Variants in RAPGEF3 observed in about 807,000 individuals in gnomAD.
The protein encoded by RAPGEF3 is Rap guanine nucleotide exchange factor 3.
RAPGEF3 carries 103 observed loss-of-function variants against 129.8 expected under a neutral mutation model. That is an observed-to-expected ratio of 0.79 (90% CI 0.68 to 0.93). The LOEUF (loss-of-function observed/expected upper bound fraction) is 0.93. Ranked by LOEUF, RAPGEF3 falls within the 40% of genes least tolerant of loss-of-function variation. RAPGEF3 has a pLI of 0.00. For missense variants in RAPGEF3, 1,117 were observed against 1,207.4 expected (o/e 0.93, Z 1.11); for synonymous variants, 436 against 482.6 (o/e 0.90, Z 1.26).
chr12:47,750,330 G>A lies in RAPGEF3; in HGVS notation c.756+11C>T. 1 of 1,612,848 alleles carries A rather than the reference G, an allele frequency of 6.2e-7. No individual in the cohort carries two copies. The highest frequency in any genetic ancestry group is 1.3e-5 in the African/African-American group (1 of 75,028). On this transcript the variant is annotated intron_variant, in intron 7 of 27. Coordinates refer to ENST00000449771, the MANE Select transcript of RAPGEF3 (RefSeq NM_001098531.4). ...CTGGTACGGGGCAGGGCTGGGAGGG[G>A]CAGGACTGACCGAGTTGGAGAGGTG...
In RAPGEF3 at chr12:47,751,400, A is replaced by G. The variant is rs757294288; in HGVS notation, c.501T>C (p.His167=). 2 of 1,613,888 alleles carry G rather than the reference A, an allele frequency of 1.2e-6. No homozygotes were observed. Among genetic ancestry groups the G allele is most frequent in the Admixed American group, 3.3e-5 (2 of 60,018 alleles). The change falls in exon 5 of 28, where the codon CAT becomes CAC. Residue 167 remains histidine, a splice_region_variant and synonymous_variant. Coordinates refer to ENST00000449771, the MANE Select transcript of RAPGEF3 (RefSeq NM_001098531.4). The part of the protein sequence containing the change: ...QVLLDEGALC[H]VKHDWAFQDR... ...ACCCCACCCTGGGCTCGGGCTCACC[A>G]TGGCAGAGGGCACCTTCATCCAGCA...
chr12:47,746,257 G>A (rs1261504467), intron 16 of RAPGEF3: 2 of 235,382 alleles, frequency 8.5e-6, no homozygotes, highest in East Asian at 3.2e-4. Context: ...CAGGGGCTGG[G>A]ACACACAGTA....
chr12:47,750,959 G>A, intron 6 of RAPGEF3, 89 bp downstream of exon 6: 1 of 1,524,540 alleles, frequency 6.6e-7, no homozygotes, highest in South Asian at 1.2e-5. Flanking sequence ...CAACAGGTAA[G>A]GGATGCCCCC....
intron 18 of RAPGEF3, 91 bp from the exon 19 acceptor site, chr12:47,741,693 T>C: frequency 9.1e-7 from 1 of 1,093,430 alleles, no homozygotes; most frequent in Non-Finnish European, 1.4e-6. Flanking sequence ...TTTGGGAGGC[T>C]GAGAGGTTGT....
At chr12:47,752,450 T>C (rs1000665818) in intron 2 of RAPGEF3, 6 of 167,242 alleles carry the variant, frequency 3.6e-5, no homozygotes. Context: ...CACAGGCCCA[T>C]GAGCAGGTGT....
rs1940829616 is a variant in RAPGEF3, at chr12:47,737,161, A to G, written c.*406T>C. The G allele has an allele frequency of 1.7e-5, 4 of 236,432 alleles. No homozygotes were observed. In the South Asian group the frequency reaches 2.2e-4, roughly 13 times the overall value. 14.6% of individuals were successfully genotyped at this position (236,432 alleles called of 1,614,324 possible). On this transcript the variant is annotated 3_prime_UTR_variant, in exon 28 of 28. Transcript: ENST00000449771. ...CCTGCCCTTGCCACACACGGTACAC[A>G]CATGCAGCCTCTCTCTCTCTCTCTG...
At chr12:47,757,632 C>A (rs1294908585) in intron 2 of RAPGEF3, among the ~76,000 whole-genome samples, 1 of 152,192 alleles carries the variant, frequency 6.6e-6, no homozygotes, top group Non-Finnish European at 1.5e-5. Flanking sequence ...CCCTTCCCCC[C>A]ATGCCCAAAC....
chr12:47,742,688 A>G (rs1473240783), intron 18 of RAPGEF3, among the ~76,000 whole-genome samples: 1 of 152,200 alleles, frequency 6.6e-6, no homozygotes, highest in Non-Finnish European at 1.5e-5. Flanking sequence ...TCACTTAGCC[A>G]TTGCAACCCT....
intron 19 of RAPGEF3, 21 bp from the exon 20 acceptor site, chr12:47,741,061 A>G (rs772209455): frequency 1.2e-6 from 2 of 1,610,424 alleles, no homozygotes; most frequent in Admixed American, 1.7e-5. Flanking sequence ...GAGAGTGCTC[A>G]GGGGGCTGCC....
intron 1 of RAPGEF3, 62 bp downstream of exon 1, chr12:47,758,489 C>T: frequency 5.0e-6 from 8 of 1,596,966 alleles, no homozygotes; most frequent in Non-Finnish European, 6.8e-6. Context: ...AACTCCCCAC[C>T]GTGTCAGCTT....
In RAPGEF3 at chr12:47,737,686, CT is replaced by C; in HGVS notation, c.2654-2del. 6.2e-7 allele frequency: 1 copy of C among 1,612,788 alleles called. No homozygotes were observed. The highest frequency in any genetic ancestry group is 8.5e-7 in the Non-Finnish European group (1 of 1,179,440). The stretch of plus-strand genomic sequence containing the variant: ...CGGGTGCTCAGGGACTGCTCCGAGC[CT>C]GGTGGAGGAGAGTAGTCAGGGAGGC... On this transcript the variant is annotated splice_acceptor_variant, in intron 27 of 27. Coordinates refer to ENST00000449771, the MANE Select transcript of RAPGEF3 (RefSeq NM_001098531.4). LOFTEE classifies it high-confidence loss of function.
Position 47,758,343 on chromosome 12 carries a change from G to A in RAPGEF3, c.6+208C>T, listed in dbSNP as rs1219415868. ...CTTTGGAATTCTGTCCCATCTCACT[G>A]CCCATGCCCCTGCAGGGATCTCCAC... On this transcript the variant is annotated intron_variant, in intron 1 of 27. Coordinates refer to ENST00000449771, the MANE Select transcript of RAPGEF3 (RefSeq NM_001098531.4). 3.5e-6 allele frequency: 5 copies of A among 1,446,878 alleles called. No individual in the cohort carries two copies. The East Asian group carries it at 1.3e-4, about 36-fold the overall frequency. The allele number at this position is 1,446,878 out of a possible 1,614,324, so 89.6% of individuals were successfully genotyped here.
chr12:47,751,958 G>GGT lies in RAPGEF3; in HGVS notation c.229_230dup (p.Asn78ProfsTer92), dbSNP rs1275644076. ...TGAAATCCAGGGACTCCTCGCTGTTGGTGAGTGGTGTCTGGGGGCAGCAGG... is the reference window on the plus strand; with the variant it reads ...TGAAATCCAGGGACTCCTCGCTGTTGGTGTGAGTGGTGTCTGGGGGCAGCAGG... On this transcript the variant is annotated frameshift_variant, in exon 3 of 28. Transcript: ENST00000449771. LOFTEE classifies it high-confidence loss of function. 3.7e-6 allele frequency: 6 copies of GGT among 1,614,066 alleles called. No individual in the cohort carries two copies. In the Admixed American group the frequency reaches 1.0e-4, roughly 27 times the overall value.
intron 27 of RAPGEF3, 28 bp from the exon 28 acceptor site, chr12:47,737,713 A>G (rs369292308): frequency 1.3e-6 from 2 of 1,595,446 alleles, no homozygotes; most frequent in East Asian, 2.2e-5. Context: ...TCAGGGAGGC[A>G]CTGATGCCCC....
At chr12:47,739,667 A>C (rs1021699614) in intron 23 of RAPGEF3, 2 of 363,304 alleles carry the variant, frequency 5.5e-6, no homozygotes, top group South Asian at 5.2e-5. Context: ...CAAAATCCTC[A>C]AAAGTTCCTG....
chr12:47,756,425 GCGGAGAGC>G (rs1356386918), intron 2 of RAPGEF3: 1 of 152,316 alleles, frequency 6.6e-6, no homozygotes, highest in Admixed American at 6.5e-5. Context: ...GACCCGGAGA[GCGGAGAGC>G]CGGAGAGCCA....
At chr12:47,747,175 C>A (rs1463172577) in intron 15 of RAPGEF3, among the ~76,000 whole-genome samples, 2 of 152,174 alleles carry the variant, frequency 1.3e-5, no homozygotes, top group South Asian at 4.1e-4. Context: ...TCCCAACCCC[C>A]CTGAATCTCA....
rs1313085183 is a variant in RAPGEF3, at chr12:47,735,202, C to T, written c.*2365G>A. On this transcript the variant is annotated 3_prime_UTR_variant, in exon 28 of 28. Coordinates refer to ENST00000449771, the MANE Select transcript of RAPGEF3 (RefSeq NM_001098531.4). ...AAAGGACTGATCTAGGGCCACACTC[C>T]CTTTCTGCACACCTTCTTCTCAGCA... is the stretch of plus-strand genomic sequence containing the variant. The T allele has an allele frequency of 6.6e-6, 1 of 152,290 alleles. No homozygotes were observed. The highest frequency in any genetic ancestry group is 1.5e-5 in the Non-Finnish European group (1 of 68,114). 9.4% of individuals were successfully genotyped at this position (152,290 alleles called of 1,614,324 possible).
intron 1 of RAPGEF3, 172 bp from the exon 2 acceptor site, chr12:47,758,250 C>T: frequency 2.1e-6 from 3 of 1,432,920 alleles, no homozygotes; most frequent in Non-Finnish European, 2.7e-6. Context: ...TTCACTGGGG[C>T]CTGCCGGTCT....
Sources: gnomAD v4.1 joint callset for allele counts (sites outside exome capture counted in the v4.1 genomes callset) on GRCh38, gnomAD v4.1.1 for gene constraint, MANE v1.5 for transcripts, NCBI Gene and HGNC (gene_info 2026-07-23, HGNC 2026-07-21) for gene names.